The following SPATA16 variants were observed in gnomAD, a reference collection of about 807,000 sequenced individuals.
SPATA16 encodes the protein spermatogenesis-associated protein 16.
A neutral mutation model predicts 63.3 loss-of-function variants in SPATA16; 36 were observed. The observed-to-expected ratio is 0.57, with a 90% confidence interval of 0.44 to 0.75. The LOEUF is 0.75. Ranked by LOEUF, SPATA16 falls within the 30% of genes least tolerant of loss-of-function variation. The probability of loss-of-function intolerance (pLI) is 0.00; values close to 1 mark genes in which losing one functional copy is unlikely to be tolerated. For synonymous variants in SPATA16, 203 were observed against 216.7 expected, an observed-to-expected ratio of 0.94 and a Z score of 0.56; for missense variants, 646 against 679.3, an observed-to-expected ratio of 0.95 and a Z score of 0.54.
intron 2 of SPATA16, among the ~76,000 whole-genome samples, chr3:173,116,092 A>C (rs376568724): frequency 9.2e-5 from 14 of 152,024 alleles, no homozygotes; most frequent in Non-Finnish European, 1.3e-4. Context: ...GGGTCTCACT[A>C]TGTTACCCAG....
At chr3:173,128,314 CT>C (rs1205027758) in intron 1 of SPATA16, among the ~76,000 whole-genome samples, 2 of 152,218 alleles carry the variant, frequency 1.3e-5, no homozygotes, top group South Asian at 2.1e-4. Context: ...TTATATATCC[CT>C]TTTTTTCTTA....
intron 4 of SPATA16, among the ~76,000 whole-genome samples, chr3:173,013,752 A>G (rs932088567): frequency 6.6e-6 from 1 of 152,206 alleles, no homozygotes; most frequent in Non-Finnish European, 1.5e-5. Context: ...GAGGCTCATG[A>G]CCTTCATTCT....
Position 173,005,327 on chromosome 3 carries a change from G to GAAAA in SPATA16, c.848+14155_848+14158dup, listed in dbSNP as rs531594936. Among the ~76,000 whole-genome samples, 11 of 78,808 alleles carry GAAAA rather than the reference G, an allele frequency of 1.4e-4. 1 individual carries two copies. The highest frequency in any genetic ancestry group is 4.6e-4 in the South Asian group (1 of 2,176). 51.7% of individuals were successfully genotyped at this position (78,808 alleles called of 152,430 possible). Reference sequence around the variant, plus strand: ...GACAGAGCAAGACTCTGTCTCAAAAGAAAAAAAAAAAAAAAAAAAAGAAAA... The same window carrying GAAAA: ...GACAGAGCAAGACTCTGTCTCAAAAGAAAAAAAAAAAAAAAAAAAAAAAAGAAAA... On this transcript the variant is annotated intron_variant, in intron 4 of 10. Coordinates refer to ENST00000351008, the MANE Select transcript of SPATA16 (RefSeq NM_031955.6).
At chr3:173,025,416 T>G (rs774453209) in intron 3 of SPATA16, among the ~76,000 whole-genome samples, 2 of 151,896 alleles carry the variant, frequency 1.3e-5, no homozygotes, top group African/African-American at 2.4e-5. Context: ...TATAATACTT[T>G]TCAGAAAGTT....
chr3:173,082,783 C>T (rs1736956672), intron 2 of SPATA16, among the ~76,000 whole-genome samples: 2 of 152,142 alleles, frequency 1.3e-5, no homozygotes, highest in Admixed American at 1.3e-4. Context: ...TCTCTGAAAC[C>T]TGGGATAAGA....
chr3:173,004,186 A>T (rs927945898), intron 4 of SPATA16, among the ~76,000 whole-genome samples: 1 of 152,154 alleles, frequency 6.6e-6, no homozygotes, highest in Non-Finnish European at 1.5e-5. Context: ...AAAGAGTAAG[A>T]ATTTCAGAGT....
chr3:173,071,929 G>A (rs13067231), intron 2 of SPATA16, among the ~76,000 whole-genome samples: 21,407 of 152,184 alleles, frequency 0.14, 1,895 homozygotes, highest in South Asian at 0.28. Context: ...ATGCTGGTGA[G>A]GCCATGTAGA....
intron 2 of SPATA16, among the ~76,000 whole-genome samples, chr3:173,104,230 C>T (rs1414344675): frequency 6.6e-6 from 1 of 152,166 alleles, no homozygotes. Flanking sequence ...AAGTTTCCCT[C>T]ATCTTCCTTT....
intron 2 of SPATA16, among the ~76,000 whole-genome samples, chr3:173,115,015 T>G (rs1737857105): frequency 6.6e-6 from 1 of 152,126 alleles, no homozygotes; most frequent in South Asian, 2.1e-4. Flanking sequence ...TTTTGTTAAT[T>G]ATCAGTAATT....
At chr3:173,006,359 G>A (rs1335930863) in intron 4 of SPATA16, among the ~76,000 whole-genome samples, 1 of 152,160 alleles carries the variant, frequency 6.6e-6, no homozygotes, top group Non-Finnish European at 1.5e-5. Context: ...AGCCCTTCAG[G>A]CAGATGGCCA....
chr3:172,906,845 A>T (rs147905633), intron 10 of SPATA16, among the ~76,000 whole-genome samples: 14,721 of 152,016 alleles, frequency 0.097, 818 homozygotes, highest in African/African-American at 0.15. Flanking sequence ...GGGTTCAAGC[A>T]ATTCTCCTGC....
intron 10 of SPATA16, among the ~76,000 whole-genome samples, chr3:172,912,504 G>A (rs966645274): frequency 6.6e-6 from 1 of 151,778 alleles, no homozygotes; most frequent in Admixed American, 6.6e-5. Context: ...GAAATGTGTA[G>A]GTCCATTTAT....
chr3:173,109,180 A>G (rs1239559591), intron 2 of SPATA16, among the ~76,000 whole-genome samples: 1 of 152,066 alleles, frequency 6.6e-6, no homozygotes, highest in African/African-American at 2.4e-5. Flanking sequence ...GAGATGGTCA[A>G]TGCCTACCTC....
At chr3:173,119,944 G>A (rs971543427) in intron 1 of SPATA16, among the ~76,000 whole-genome samples, 10 of 152,188 alleles carry the variant, frequency 6.6e-5, no homozygotes, top group Non-Finnish European at 1.2e-4. Flanking sequence ...AAAATTAGCC[G>A]GATGTGGTGG....
At chr3:173,093,655 G>A (rs964339810) in intron 2 of SPATA16, among the ~76,000 whole-genome samples, 3 of 152,132 alleles carry the variant, frequency 2.0e-5, no homozygotes. Flanking sequence ...AAATAAGCCT[G>A]CAGAAGTTAT....
At chr3:173,100,991 C>G (rs778816586) in intron 2 of SPATA16, among the ~76,000 whole-genome samples, 55 of 152,038 alleles carry the variant, frequency 3.6e-4, no homozygotes, top group Non-Finnish European at 7.4e-4. Context: ...TTCTAATAAA[C>G]CTCACAGGTT....
intron 10 of SPATA16, among the ~76,000 whole-genome samples, chr3:172,911,630 A>G (rs1277851628): frequency 1.3e-5 from 2 of 152,198 alleles, no homozygotes; most frequent in Non-Finnish European, 2.9e-5. Context: ...ATTCTTGGCC[A>G]AAAGCTGCTC....
intron 2 of SPATA16, among the ~76,000 whole-genome samples, chr3:173,096,400 A>C (rs1737350441): frequency 6.6e-6 from 1 of 152,104 alleles, no homozygotes; most frequent in Non-Finnish European, 1.5e-5. Context: ...CCCATTAGAA[A>C]ACTGGGGTGA....
chr3:173,095,144 A>G (rs1028344768), intron 2 of SPATA16, among the ~76,000 whole-genome samples: 9 of 152,126 alleles, frequency 5.9e-5, no homozygotes, highest in African/African-American at 1.7e-4. Flanking sequence ...TTAGAGCCTT[A>G]GTTTCCTCAT....
Sources: gnomAD v4.1 joint callset for allele counts (sites outside exome capture counted in the v4.1 genomes callset) on GRCh38, gnomAD v4.1.1 for gene constraint, MANE v1.5 for transcripts, NCBI Gene and HGNC (gene_info 2026-07-23, HGNC 2026-07-21) for gene names.